Variants in GDPD5 observed in about 807,000 individuals in gnomAD.
GDPD5 encodes glycerophosphodiester phosphodiesterase domain containing 5, also known as glycerophosphodiester phosphodiesterase 2.
Under a neutral mutation model 75.1 loss-of-function variants are expected in GDPD5, and 48 were observed. That is an observed-to-expected ratio of 0.64 (90% CI 0.51 to 0.81). The LOEUF (loss-of-function observed/expected upper bound fraction) is 0.81, where lower values mean the gene tolerates loss of function less well. GDPD5 is among the 40% of genes least tolerant of loss of function. The pLI is 0.00. For missense variants in GDPD5, 706 were observed against 822.6 expected, an observed-to-expected ratio of 0.86 and a Z score of 1.73; for synonymous variants, 336 against 339.0, an observed-to-expected ratio of 0.99 and a Z score of 0.10.
intron 2 of GDPD5, among the ~76,000 whole-genome samples, chr11:75,482,051 G>A (rs1405091702): frequency 1.3e-5 from 2 of 152,052 alleles, no homozygotes; most frequent in Admixed American, 1.3e-4. Context: ...AGGTTCCCCT[G>A]CCTTCACACT....
At chr11:75,505,113 C>T (rs945812351) in intron 1 of GDPD5, among the ~76,000 whole-genome samples, 2 of 150,446 alleles carry the variant, frequency 1.3e-5, no homozygotes, top group Non-Finnish European at 1.5e-5. Context: ...CAGAGCGAGA[C>T]TCCATCTCAG....
chr11:75,438,320 T>C, intron 15 of GDPD5: 1 of 152,428 alleles, frequency 6.6e-6, no homozygotes, highest in Non-Finnish European at 1.5e-5. Flanking sequence ...CCCCCGGCCT[T>C]GTCCCCCAGG....
chr11:75,508,059 T>C (rs938270825), intron 1 of GDPD5: 38 of 152,068 alleles, frequency 2.5e-4, no homozygotes, highest in African/African-American at 9.2e-4. Context: ...CTCCATTTTA[T>C]AGGACAGGGA....
At chr11:75,454,750 T>G (rs1334981084) in intron 6 of GDPD5, among the ~76,000 whole-genome samples, 1 of 152,256 alleles carries the variant, frequency 6.6e-6, no homozygotes, top group Admixed American at 6.5e-5. Context: ...GAAATGCATA[T>G]GTACATGTGC....
chr11:75,511,048 G>A (rs1207564162), intron 1 of GDPD5, among the ~76,000 whole-genome samples: 2 of 152,336 alleles, frequency 1.3e-5, no homozygotes, highest in East Asian at 1.9e-4. Flanking sequence ...TGAAATGGAA[G>A]AGACTTAGAT....
At chr11:75,454,287 T>C (rs1269345137) in intron 6 of GDPD5, among the ~76,000 whole-genome samples, 1 of 152,126 alleles carries the variant, frequency 6.6e-6, no homozygotes, top group Admixed American at 6.5e-5. Context: ...CGAAGGGAAA[T>C]GCAAATGAAA....
chr11:75,509,381 G>C (rs543015749), intron 1 of GDPD5, among the ~76,000 whole-genome samples: 1 of 152,304 alleles, frequency 6.6e-6, no homozygotes, highest in East Asian at 1.9e-4. Context: ...ATAATTCAGA[G>C]GCTCCTATTG....
chr11:75,470,689 A>G (rs1325364784), intron 3 of GDPD5, among the ~76,000 whole-genome samples: 3 of 152,240 alleles, frequency 2.0e-5, no homozygotes, highest in Non-Finnish European at 4.4e-5. Flanking sequence ...TGGGAAAAAA[A>G]TTTTAAAAAT....
chr11:75,502,407 C>T (rs920969926), intron 1 of GDPD5, among the ~76,000 whole-genome samples: 8 of 152,334 alleles, frequency 5.3e-5, no homozygotes, highest in Admixed American at 2.0e-4. Context: ...CAGCACATCA[C>T]GAATAAGTTG....
At chr11:75,467,159 G>C (rs1227504159) in intron 3 of GDPD5, among the ~76,000 whole-genome samples, 2 of 152,190 alleles carry the variant, frequency 1.3e-5, no homozygotes, top group African/African-American at 4.8e-5. Flanking sequence ...TGTAATTGTG[G>C]AGATGGAAAG....
intron 2 of GDPD5, among the ~76,000 whole-genome samples, chr11:75,482,744 T>C (rs1453837933): frequency 1.3e-5 from 2 of 152,198 alleles, no homozygotes; most frequent in East Asian, 1.9e-4. Flanking sequence ...AAGTGTCAGA[T>C]GTTCCCTCCT....
chr11:75,494,824 C>T (rs549793616), intron 1 of GDPD5, among the ~76,000 whole-genome samples: 9 of 151,858 alleles, frequency 5.9e-5, no homozygotes, highest in Admixed American at 2.0e-4. Flanking sequence ...TGGTGGCATG[C>T]GCCTGTAATC....
At chr11:75,483,953 G>A (rs376677123) in intron 2 of GDPD5, among the ~76,000 whole-genome samples, 1 of 152,180 alleles carries the variant, frequency 6.6e-6, no homozygotes, top group African/African-American at 2.4e-5. Flanking sequence ...TTGGGAGGCC[G>A]AGGAGGGTGG....
chr11:75,491,216 C>T (rs1200708127), intron 1 of GDPD5, among the ~76,000 whole-genome samples: 1 of 152,210 alleles, frequency 6.6e-6, no homozygotes, highest in Non-Finnish European at 1.5e-5. Flanking sequence ...ATGACAGCCA[C>T]AGAGAGATCA....
chr11:75,488,987 C>T (rs1448066697), intron 2 of GDPD5, among the ~76,000 whole-genome samples: 3 of 152,142 alleles, frequency 2.0e-5, no homozygotes, highest in Non-Finnish European at 4.4e-5. Context: ...GACCTATGTC[C>T]CCTGCACTGG....
chr11:75,444,592 C>T, intron 9 of GDPD5, 97 bp from the exon 10 acceptor site: 1 of 936,012 alleles, frequency 1.1e-6, no homozygotes, highest in Non-Finnish European at 1.7e-6. Context: ...CTGGGCTAGG[C>T]CTGGTTCTAA....
intron 15 of GDPD5, 48 bp from the exon 16 acceptor site, chr11:75,437,096 T>A (rs745930501): frequency 2.9e-6 from 4 of 1,403,178 alleles, no homozygotes; most frequent in Non-Finnish European, 4.0e-6. Context: ...AGCCCTCCCT[T>A]GGAGCAGAGA....
intron 4 of GDPD5, among the ~76,000 whole-genome samples, chr11:75,459,332 G>T (rs1949361871): frequency 8.2e-6 from 1 of 121,928 alleles, no homozygotes; most frequent in Admixed American, 1.0e-4. Context: ...CAAAGAGAAT[G>T]AATTTTTTTT....
At chr11:75,442,606 T>A (rs1439551017) in intron 11 of GDPD5, 25 bp from the exon 12 acceptor site, 1 of 1,607,572 alleles carries the variant, frequency 6.2e-7, no homozygotes, top group Admixed American at 1.7e-5. Flanking sequence ...GACACACACA[T>A]GGCTGCATCA....
Sources: gnomAD v4.1 joint callset for allele counts (sites outside exome capture counted in the v4.1 genomes callset) on GRCh38, gnomAD v4.1.1 for gene constraint, MANE v1.5 for transcripts, NCBI Gene and HGNC (gene_info 2026-07-23, HGNC 2026-07-21) for gene names.